Variants in NLN observed in about 807,000 individuals in gnomAD.
NLN encodes the protein neurolysin, mitochondrial.
Under a neutral mutation model 79.9 loss-of-function variants are expected in NLN, and 64 were observed. That is an observed-to-expected ratio of 0.80 (90% CI 0.65 to 0.99). The LOEUF is 0.99. NLN is among the 50% of genes least tolerant of loss of function. The probability of loss-of-function intolerance (pLI) is 0.00; values close to 1 mark genes in which losing one functional copy is unlikely to be tolerated. For missense variants in NLN, 835 were observed against 858.7 expected (o/e 0.97, Z 0.34); for synonymous variants, 267 against 296.6 (o/e 0.90, Z 1.02).
intron 12 of NLN, among the ~76,000 whole-genome samples, chr5:65,813,744 T>A (rs1421667159): frequency 1.3e-5 from 2 of 151,986 alleles, no homozygotes; most frequent in Admixed American, 6.6e-5. Flanking sequence ...CTATTTGATA[T>A]AGCAAGACCT....
Position 65,828,515 on chromosome 5 carries a change from T to G in NLN, c.*5600T>G, listed in dbSNP as rs1252010839. The G allele has an allele frequency of 6.6e-6, 1 of 152,082 alleles. No homozygotes were observed. The highest frequency in any genetic ancestry group is 1.5e-5 in the Non-Finnish European group (1 of 68,008). The allele number at this position is 152,082 out of a possible 1,614,324, so 9.4% of individuals were successfully genotyped here. On this transcript the variant is annotated 3_prime_UTR_variant, in exon 13 of 13. Coordinates refer to ENST00000380985, the MANE Select transcript of NLN (RefSeq NM_020726.5). ...ATTGTTTTCAAATTCTTGAAGGAAA[T>G]GGGAGAGAGAATAGGCTAATTCTGT...
chr5:65,728,149 A>C (rs1161598232), intron 1 of NLN, among the ~76,000 whole-genome samples: 2 of 152,226 alleles, frequency 1.3e-5, no homozygotes, highest in African/African-American at 4.8e-5. Flanking sequence ...TGACAAGCAA[A>C]AGAAAATATT....
intron 6 of NLN, among the ~76,000 whole-genome samples, chr5:65,784,146 G>T (rs191592651): frequency 6.6e-6 from 1 of 152,252 alleles, no homozygotes; most frequent in Admixed American, 6.5e-5. Context: ...ACCTCAGTGT[G>T]TGATTTTCCT....
intron 9 of NLN, chr5:65,792,915 G>T (rs1244745568): frequency 2.0e-6 from 1 of 501,838 alleles, no homozygotes; most frequent in African/African-American, 2.0e-5. Flanking sequence ...TGTAAGGAAA[G>T]GTTACAAATA....
At chr5:65,769,424 G>C (rs1230394484) in intron 3 of NLN, among the ~76,000 whole-genome samples, 1 of 152,178 alleles carries the variant, frequency 6.6e-6, no homozygotes, top group Non-Finnish European at 1.5e-5. Context: ...TAACACAAAA[G>C]ATAAGTGCTT....
chr5:65,781,918 T>G (rs1422231271), intron 6 of NLN, among the ~76,000 whole-genome samples: 1 of 152,188 alleles, frequency 6.6e-6, no homozygotes, highest in East Asian at 1.9e-4. Context: ...GGTTGTAGCT[T>G]CTCATAATCC....
At chr5:65,763,677 AAC>A (rs1281197563) in intron 3 of NLN, among the ~76,000 whole-genome samples, 1 of 152,124 alleles carries the variant, frequency 6.6e-6, no homozygotes, top group Non-Finnish European at 1.5e-5. Flanking sequence ...GGGGAAAAAA[AAC>A]AGTTTCAAAA....
intron 1 of NLN, among the ~76,000 whole-genome samples, chr5:65,736,634 A>G (rs1052876372): frequency 3.5e-5 from 5 of 142,244 alleles, no homozygotes; most frequent in South Asian, 2.2e-4. Flanking sequence ...CTTGGCTTTT[A>G]TATATATTTG....
chr5:65,796,415 G>A (rs998388421), intron 9 of NLN, among the ~76,000 whole-genome samples: 3 of 152,084 alleles, frequency 2.0e-5, no homozygotes, highest in Non-Finnish European at 2.9e-5. Context: ...TGTCTGACTC[G>A]TGACTGAACT....
intron 12 of NLN, among the ~76,000 whole-genome samples, chr5:65,819,580 G>A (rs1246904843): frequency 6.6e-6 from 1 of 152,218 alleles, no homozygotes; most frequent in Non-Finnish European, 1.5e-5. Flanking sequence ...AGAGGTGGAT[G>A]ACACTGGTTT....
intron 2 of NLN, 128 bp from the exon 3 acceptor site, chr5:65,762,832 C>A: frequency 1.2e-6 from 1 of 850,478 alleles, no homozygotes; most frequent in Non-Finnish European, 1.8e-6. Context: ...CCTTAGGAGG[C>A]TTTACAGAAA....
intron 7 of NLN, among the ~76,000 whole-genome samples, 154 bp from the exon 8 acceptor site, chr5:65,787,964 C>T (rs1200420962): frequency 6.6e-6 from 1 of 152,204 alleles, no homozygotes; most frequent in Non-Finnish European, 1.5e-5. Context: ...GCTTTCCTCC[C>T]TCACGTTTTT....
chr5:65,744,553 A>G (rs1468730277), intron 1 of NLN, among the ~76,000 whole-genome samples: 1 of 150,142 alleles, frequency 6.7e-6, no homozygotes, highest in East Asian at 2.0e-4. Flanking sequence ...AATAAATCCT[A>G]TCAATAGGGA....
chr5:65,777,847 T>C (rs1220775080), intron 4 of NLN, among the ~76,000 whole-genome samples: 4 of 152,212 alleles, frequency 2.6e-5, no homozygotes, highest in Non-Finnish European at 5.9e-5. Flanking sequence ...AACAGATGGG[T>C]TGTAATAGAA....
rs1022190783 is a variant in NLN, at chr5:65,824,075, C to A, written c.*1160C>A. The A allele has an allele frequency of 2.0e-5, 3 of 151,918 alleles. No individual in the cohort carries two copies. The highest frequency in any genetic ancestry group is 7.3e-5 in the African/African-American group (3 of 41,348). The allele number at this position is 151,918 out of a possible 1,614,324, so 9.4% of individuals were successfully genotyped here. ...TCTAAATTCCAATTCTGCAGCAGAT[C>A]AGTAAACTCACAGTATTTTTCCTGT... On this transcript the variant is annotated 3_prime_UTR_variant, in exon 13 of 13. Coordinates refer to ENST00000380985, the MANE Select transcript of NLN (RefSeq NM_020726.5).
At chr5:65,821,609 C>T (rs921223762) in intron 12 of NLN, among the ~76,000 whole-genome samples, 2 of 152,138 alleles carry the variant, frequency 1.3e-5, no homozygotes, top group Non-Finnish European at 2.9e-5. Flanking sequence ...ATATGTGCTT[C>T]ATATTATGTT....
At chr5:65,760,026 A>T (rs373496410) in intron 2 of NLN, among the ~76,000 whole-genome samples, 2 of 152,200 alleles carry the variant, frequency 1.3e-5, no homozygotes, top group Non-Finnish European at 2.9e-5. Flanking sequence ...CAGGCTTCAT[A>T]CAAGAATATA....
chr5:65,735,681 G>A (rs570622716), intron 1 of NLN, among the ~76,000 whole-genome samples: 1 of 152,270 alleles, frequency 6.6e-6, no homozygotes, highest in African/African-American at 2.4e-5. Context: ...AATGTGACAT[G>A]TCATACTTCA....
intron 3 of NLN, among the ~76,000 whole-genome samples, chr5:65,773,957 TAATC>T (rs1759623789): frequency 1.3e-5 from 2 of 151,626 alleles, no homozygotes; most frequent in South Asian, 2.1e-4. Flanking sequence ...ATAATAATAA[TAATC>T]AACTCAATTT....
Sources: allele counts gnomAD v4.1 joint callset (sites outside exome capture counted in the v4.1 genomes callset), GRCh38; gene constraint gnomAD v4.1.1; transcripts MANE v1.5; gene names NCBI Gene and HGNC (gene_info 2026-07-23, HGNC 2026-07-21).